HEPH: variants seen among roughly 807,000 people sequenced by gnomAD.
HEPH encodes hephaestin.
A neutral mutation model predicts 80.8 loss-of-function variants in HEPH; 69 were observed. The ratio of observed to expected loss-of-function variants is 0.85; its 90% CI spans 0.70 to 1.04. HEPH has a LOEUF of 1.04. HEPH is among the 50% of genes least tolerant of loss of function. The pLI is 0.00. For missense variants in HEPH, 1,115 were observed against 891.3 expected, an observed-to-expected ratio of 1.25 and a Z score of -3.20; for synonymous variants, 431 against 322.8, an observed-to-expected ratio of 1.34 and a Z score of -3.60.
intron 15 of HEPH, among the ~76,000 whole-genome samples, chrX:66,219,672 T>C (rs1393041287): frequency 8.9e-6 from 1 of 111,905 alleles, no homozygotes; most frequent in Non-Finnish European, 1.9e-5. Flanking sequence ...TATCATCTTT[T>C]AAATTTTCTA....
chrX:66,195,753 G>A (rs1451412529), intron 9 of HEPH, among the ~76,000 whole-genome samples: 1 of 111,197 alleles, frequency 9.0e-6, no homozygotes, highest in Non-Finnish European at 1.9e-5. Context: ...GGACATGTAG[G>A]TTTTTTTCAG....
At chrX:66,255,889 A>T (rs779430207) in intron 16 of HEPH, among the ~76,000 whole-genome samples, 2 of 112,568 alleles carry the variant, frequency 1.8e-5, no homozygotes, top group South Asian at 3.7e-4. Context: ...TTTAGCCTAG[A>T]TAAAGCATAG....
intron 15 of HEPH, among the ~76,000 whole-genome samples, chrX:66,252,302 A>G (rs564408145): frequency 1.3e-4 from 14 of 111,971 alleles, no homozygotes; most frequent in Middle Eastern, 4.6e-3. Context: ...AATTAGACAA[A>G]TGGAGGTGCC....
At chrX:66,219,995 CGAGGCAGCT>C (rs2089570660) in intron 15 of HEPH, among the ~76,000 whole-genome samples, 1 of 111,362 alleles carries the variant, frequency 9.0e-6, no homozygotes, top group Admixed American at 9.5e-5. Flanking sequence ...AGTTTTTGCC[CGAGGCAGCT>C]GAGTCTTCCC....
At chrX:66,182,061 C>A (rs1353414309) in intron 4 of HEPH, among the ~76,000 whole-genome samples, 1 of 104,462 alleles carries the variant, frequency 9.6e-6, no homozygotes, top group Non-Finnish European at 2.0e-5. Context: ...TGATCTATAT[C>A]TCTGTTTTGG....
At chrX:66,241,303 G>T (rs1286520087) in intron 15 of HEPH, among the ~76,000 whole-genome samples, 1 of 111,436 alleles carries the variant, frequency 9.0e-6, no homozygotes, top group Non-Finnish European at 1.9e-5. Context: ...CAATTAAAAG[G>T]CATGGAGTGG....
At chrX:66,187,482 T>G (rs7062799) in intron 4 of HEPH, among the ~76,000 whole-genome samples, 39,873 of 110,491 alleles carry the variant, frequency 0.36, 7,847 homozygotes, top group African/African-American at 0.76. Context: ...TGGATGTGGC[T>G]TCCTGTGAGC....
chrX:66,172,878 A>G (rs2086647735), intron 3 of HEPH, among the ~76,000 whole-genome samples: 1 of 112,120 alleles, frequency 8.9e-6, no homozygotes, highest in African/African-American at 3.2e-5. Flanking sequence ...GAACTATTTG[A>G]ATGGCATCTC....
chrX:66,170,651 C>G lies in HEPH; in HGVS notation c.81C>G (p.Val27=), dbSNP rs201273147. The part of the protein sequence containing the change: ...WPQLTDGATR[V]YYLGIRDVQW... ...AACTGACTGATGGAGCCACTCGAGT[C>G]TACTACCTGGGCATCCGGGATGTGC... The change falls in exon 2 of 21, where the codon GTC becomes GTG. Residue 27 remains valine (V), a synonymous_variant. Coordinates refer to ENST00000343002, the MANE Select transcript of HEPH (RefSeq NM_001367233.3). The G allele has an allele frequency of 3.8e-5, 46 of 1,208,611 alleles. No homozygotes were observed. In the Admixed American group the frequency reaches 9.9e-4, roughly 26 times the overall value.
At chrX:66,217,718 G>T (rs2089456352) in intron 15 of HEPH, among the ~76,000 whole-genome samples, 1 of 111,499 alleles carries the variant, frequency 9.0e-6, no homozygotes, top group African/African-American at 3.3e-5. Context: ...TGGCCTAAAT[G>T]CTCCATTTAA....
intron 11 of HEPH, among the ~76,000 whole-genome samples, chrX:66,199,679 A>G (rs1432070973): frequency 1.8e-5 from 2 of 112,214 alleles, no homozygotes; most frequent in Admixed American, 9.5e-5. Context: ...ACCAGAAAGT[A>G]TATCAGTTAC....
intron 4 of HEPH, among the ~76,000 whole-genome samples, chrX:66,187,671 C>T (rs1328457130): frequency 9.0e-6 from 1 of 110,727 alleles, no homozygotes; most frequent in East Asian, 2.8e-4. Context: ...CAGGAGCAGT[C>T]CATTTCCTTC....
At chrX:66,253,811 C>T (rs1326478879) in intron 15 of HEPH, among the ~76,000 whole-genome samples, 5 of 111,506 alleles carry the variant, frequency 4.5e-5, no homozygotes, top group Non-Finnish European at 9.4e-5. Flanking sequence ...ACAATGAAAA[C>T]ATATTAAATA....
intron 15 of HEPH, among the ~76,000 whole-genome samples, chrX:66,247,882 T>C (rs1233439049): frequency 1.8e-5 from 2 of 112,120 alleles, no homozygotes; most frequent in Admixed American, 1.9e-4. Context: ...TTAAATTCAT[T>C]ATAATTAAAC....
At chrX:66,206,130 T>C (rs962787471) in intron 13 of HEPH, among the ~76,000 whole-genome samples, 8 of 110,454 alleles carry the variant, frequency 7.2e-5, no homozygotes, top group Non-Finnish European at 1.3e-4. Flanking sequence ...TCCCTCCCTA[T>C]GTCTCACCAT....
intron 15 of HEPH, among the ~76,000 whole-genome samples, chrX:66,233,217 G>T (rs1490229962): frequency 8.9e-6 from 1 of 111,782 alleles, no homozygotes; most frequent in Non-Finnish European, 1.9e-5. Context: ...TGTGTATGAT[G>T]AACTAATTAT....
intron 4 of HEPH, 111 bp downstream of exon 4, chrX:66,173,912 G>C (rs964803329): frequency 1.4e-4 from 63 of 452,805 alleles, no homozygotes; most frequent in Middle Eastern, 4.3e-4. Context: ...TGCTAATTCA[G>C]CACTCTTGTT....
chrX:66,266,744 T>C lies in HEPH; in HGVS notation c.*72T>C. 1.5e-6 allele frequency: 1 copy of C among 680,325 alleles called. No individual in the cohort carries two copies. Among genetic ancestry groups the C allele is most frequent in the Non-Finnish European group, 2.3e-6 (1 of 438,007 alleles). 56.1% of individuals were successfully genotyped at this position (680,325 alleles called of 1,213,427 possible). ...TCCCAGCAGGCCATGGACTAGTCAC[T>C]AACCCCACACTCAAAGGGGCATGGG... On this transcript the variant is annotated 3_prime_UTR_variant, in exon 21 of 21. Transcript: ENST00000343002.
At chrX:66,240,166 TA>T (rs1317555927) in intron 15 of HEPH, among the ~76,000 whole-genome samples, 1 of 111,790 alleles carries the variant, frequency 8.9e-6, no homozygotes, top group Non-Finnish European at 1.9e-5. Flanking sequence ...ACTCTAAGAA[TA>T]AAATGGAAAT....
Sources: gnomAD v4.1 joint callset for allele counts (sites outside exome capture counted in the v4.1 genomes callset) on GRCh38, gnomAD v4.1.1 for gene constraint, MANE v1.5 for transcripts, NCBI Gene and HGNC (gene_info 2026-07-23, HGNC 2026-07-21) for gene names.